GPBP1: variants seen among roughly 807,000 people sequenced by gnomAD.
The protein encoded by GPBP1 is GC-rich promoter binding protein 1, also known as vasculin.
A neutral mutation model predicts 56.5 loss-of-function variants in GPBP1; 13 were observed. The observed-to-expected ratio is 0.23, with a 90% CI of 0.15 to 0.37. GPBP1 has a LOEUF of 0.37. Ranked by LOEUF, GPBP1 falls within the 10% of genes least tolerant of loss-of-function variation. The probability of loss-of-function intolerance (pLI) is 1.00; values close to 1 mark genes in which losing one functional copy is unlikely to be tolerated. For missense variants in GPBP1, 477 were observed against 572.3 expected (o/e 0.83, Z 1.70); for synonymous variants, 204 against 188.9 (o/e 1.08, Z -0.66).
At chr5:57,179,951 G>A (rs1413860885) in intron 2 of GPBP1, among the ~76,000 whole-genome samples, 1 of 151,992 alleles carries the variant, frequency 6.6e-6, no homozygotes, top group African/African-American at 2.4e-5. Flanking sequence ...GCTTGAAGCT[G>A]CTGATATGTT....
chr5:57,228,914 T>C (rs983686537), intron 3 of GPBP1, among the ~76,000 whole-genome samples: 1 of 151,940 alleles, frequency 6.6e-6, no homozygotes, highest in African/African-American at 2.4e-5. Flanking sequence ...TATGTATGTG[T>C]ATGTTTTCTA....
chr5:57,245,116 G>C (rs985168577), intron 6 of GPBP1, among the ~76,000 whole-genome samples: 1 of 152,128 alleles, frequency 6.6e-6, no homozygotes, highest in Admixed American at 6.5e-5. Flanking sequence ...GTAATACTTT[G>C]TGTGTTTTTG....
At chr5:57,183,765 A>ATTTTTT (rs34608817) in intron 2 of GPBP1, among the ~76,000 whole-genome samples, 17 of 133,282 alleles carry the variant, frequency 1.3e-4, no homozygotes, top group Non-Finnish European at 2.0e-4. Flanking sequence ...GGGGATATGA[A>ATTTTTT]TTTTTTTTTT....
intron 6 of GPBP1, 87 bp from the exon 7 acceptor site, chr5:57,246,213 T>C: frequency 1.0e-6 from 1 of 972,938 alleles, no homozygotes; most frequent in South Asian, 2.4e-5. Context: ...AAAAAAAAAA[T>C]TTGGAATATA....
intron 2 of GPBP1, among the ~76,000 whole-genome samples, chr5:57,194,196 C>G (rs755766730): frequency 1.6e-4 from 25 of 151,908 alleles, no homozygotes; most frequent in Non-Finnish European, 3.4e-4. Context: ...GTTTTTGTTT[C>G]TTTTTTGCTA....
intron 3 of GPBP1, among the ~76,000 whole-genome samples, chr5:57,219,405 C>CAAAAAAAAAAAAAAAAAAAAAAAAAAAA (rs1200185260): frequency 2.9e-5 from 1 of 34,192 alleles, no homozygotes; most frequent in African/African-American, 1.2e-4. Flanking sequence ...AAAAAAAAAC[C>CAAAAAAAAAAAAAAAAAAAAAAAAAAAA]AAAAACAAAC....
At chr5:57,247,534 A>G (rs544202984) in intron 8 of GPBP1, among the ~76,000 whole-genome samples, 3 of 152,074 alleles carry the variant, frequency 2.0e-5, no homozygotes, top group Non-Finnish European at 4.4e-5. Flanking sequence ...ACTTAAAAAA[A>G]AATAGCTGGG....
chr5:57,212,630 A>T (rs1430092262), intron 2 of GPBP1, among the ~76,000 whole-genome samples: 4 of 150,070 alleles, frequency 2.7e-5, no homozygotes, highest in Admixed American at 2.7e-4. Flanking sequence ...TTTGTTTTTT[A>T]TATCTGGTTA....
intron 2 of GPBP1, among the ~76,000 whole-genome samples, chr5:57,201,374 TG>T (rs1403211217): frequency 6.6e-6 from 1 of 152,106 alleles, no homozygotes; most frequent in Non-Finnish European, 1.5e-5. Context: ...TTACTCAAAT[TG>T]GTCTCCTAAT....
At chr5:57,193,129 C>T (rs1421597216) in intron 2 of GPBP1, among the ~76,000 whole-genome samples, 2 of 152,054 alleles carry the variant, frequency 1.3e-5, no homozygotes, top group African/African-American at 4.8e-5. Flanking sequence ...CCAGCCTGGC[C>T]AACATGGTGA....
intron 2 of GPBP1, among the ~76,000 whole-genome samples, chr5:57,179,344 A>C (rs1209524198): frequency 6.7e-6 from 1 of 149,698 alleles, no homozygotes; most frequent in Non-Finnish European, 1.5e-5. Flanking sequence ...TGGTTAGCTA[A>C]AATTGTGTGT....
At position 57,174,720 on chromosome 5, in the gene GPBP1, T is replaced by C. The variant is rs553450408; in HGVS notation, c.-1011+509T>C. ...AAGGCTACTTTGTTCCTTTGAGTCC[T>C]GTGGGGTCTGAGGGGACATGTGCAT... On this transcript the variant is annotated intron_variant, in intron 1 of 11. Coordinates refer to ENST00000506184, the MANE Select transcript of GPBP1 (RefSeq NM_022913.4). 5.3e-4 allele frequency among the ~76,000 whole-genome samples: 81 copies of C among 152,324 alleles called. 1 individual carries two copies. The South Asian group carries it at 0.016, about 30-fold the overall frequency.
At chr5:57,255,365 G>C (rs1284761343) in intron 10 of GPBP1, among the ~76,000 whole-genome samples, 2 of 152,120 alleles carry the variant, frequency 1.3e-5, no homozygotes, top group Admixed American at 6.5e-5. Flanking sequence ...GAGTGAATTT[G>C]ATTGGTCAGA....
chr5:57,224,069 A>T (rs1046268643), intron 3 of GPBP1, among the ~76,000 whole-genome samples: 3 of 151,418 alleles, frequency 2.0e-5, no homozygotes, highest in African/African-American at 7.3e-5. Flanking sequence ...TCCTGACCTC[A>T]TGATCCGCCC....
intron 3 of GPBP1, among the ~76,000 whole-genome samples, chr5:57,219,126 A>G (rs1266464575): frequency 6.6e-6 from 1 of 152,106 alleles, no homozygotes; most frequent in African/African-American, 2.4e-5. Context: ...CTGTAATCCC[A>G]GCACTTTAGG....
intron 10 of GPBP1, among the ~76,000 whole-genome samples, chr5:57,255,441 T>A (rs1349395504): frequency 6.6e-6 from 1 of 152,232 alleles, no homozygotes; most frequent in Admixed American, 6.5e-5. Context: ...TAATTTGCAC[T>A]CTCACCAATG....
At chr5:57,226,885 G>GC (rs1223280182) in intron 3 of GPBP1, among the ~76,000 whole-genome samples, 3 of 151,366 alleles carry the variant, frequency 2.0e-5, no homozygotes, top group Non-Finnish European at 4.4e-5. Flanking sequence ...GACTGCAGGT[G>GC]CCCGCCACCG....
chr5:57,258,164 G>A (rs1450491738), intron 10 of GPBP1, among the ~76,000 whole-genome samples: 1 of 152,210 alleles, frequency 6.6e-6, no homozygotes, highest in Non-Finnish European at 1.5e-5. Context: ...CTGGTATCAG[G>A]ATGATTTGGC....
At chr5:57,196,364 C>G (rs940545113) in intron 2 of GPBP1, among the ~76,000 whole-genome samples, 1 of 151,462 alleles carries the variant, frequency 6.6e-6, no homozygotes, top group African/African-American at 2.4e-5. Context: ...ACCAAGTAAC[C>G]AGTTATGGAA....
Sources: allele counts gnomAD v4.1 joint callset (sites outside exome capture counted in the v4.1 genomes callset), GRCh38; gene constraint gnomAD v4.1.1; transcripts MANE v1.5; gene names NCBI Gene and HGNC (gene_info 2026-07-23, HGNC 2026-07-21).